The following TTC34 variants were observed in gnomAD, a reference collection of about 807,000 sequenced individuals.
TTC34 encodes tetratricopeptide repeat domain 34, also known as tetratricopeptide repeat protein 34.
A neutral mutation model predicts 40.7 loss-of-function variants in TTC34; 44 were observed. The ratio of observed to expected loss-of-function variants is 1.08; its 90% CI spans 0.85 to 1.39. TTC34 has a LOEUF of 1.39. Ranked by LOEUF, TTC34 falls within the 40% of genes most tolerant of loss-of-function variation. The pLI, the probability that TTC34 is intolerant of heterozygous loss-of-function variation, is 0.00. For missense variants in TTC34, 884 were observed against 838.0 expected, an observed-to-expected ratio of 1.05 and a Z score of -0.68; for synonymous variants, 422 against 398.6, an observed-to-expected ratio of 1.06 and a Z score of -0.70.
chr1:2,794,872 A>G (rs972864906), intron 2 of TTC34, among the ~76,000 whole-genome samples: 1 of 152,228 alleles, frequency 6.6e-6, no homozygotes, highest in Non-Finnish European at 1.5e-5. Flanking sequence ...TCCATTAATT[A>G]TTAATGTAGT....
intron 4 of TTC34, among the ~76,000 whole-genome samples, chr1:2,786,977 T>C (rs1643598969): frequency 6.6e-6 from 1 of 151,644 alleles, no homozygotes; most frequent in Non-Finnish European, 1.5e-5. Context: ...CCCACCAGAG[T>C]GTAACCTTTA....
chr1:2,777,797 C>G (rs546092082), intron 6 of TTC34, among the ~76,000 whole-genome samples: 3 of 152,130 alleles, frequency 2.0e-5, no homozygotes, highest in Non-Finnish European at 4.4e-5. Context: ...AGCCCTCCAA[C>G]GTCCTGGCTG....
intron 6 of TTC34, among the ~76,000 whole-genome samples, chr1:2,749,600 A>AC (rs1641252501): frequency 9.3e-6 from 1 of 107,604 alleles, no homozygotes; most frequent in Non-Finnish European, 1.8e-5. Flanking sequence ...AGCAGCACCC[A>AC]CACCCCCAGG....
intron 6 of TTC34, among the ~76,000 whole-genome samples, chr1:2,697,274 G>GCA (rs1557628643): frequency 5.6e-5 from 3 of 53,938 alleles, no homozygotes; most frequent in African/African-American, 2.0e-4. Context: ...CCCTGGAACA[G>GCA]CACACACACC....
intron 6 of TTC34, among the ~76,000 whole-genome samples, chr1:2,698,486 C>A (rs1431232334): frequency 3.2e-5 from 4 of 125,724 alleles, no homozygotes; most frequent in African/African-American, 1.3e-4. Context: ...AGCACCCACA[C>A]TCCCAGGCGA....
At chr1:2,768,616 C>G (rs1641880103) in intron 6 of TTC34, among the ~76,000 whole-genome samples, 1 of 151,980 alleles carries the variant, frequency 6.6e-6, no homozygotes, top group Non-Finnish European at 1.5e-5. Context: ...GAATGGTACC[C>G]CACATGCAGG....
chr1:2,786,983 C>CT (rs902613084), intron 4 of TTC34, among the ~76,000 whole-genome samples: 10 of 152,168 alleles, frequency 6.6e-5, no homozygotes, highest in Non-Finnish European at 1.0e-4. Flanking sequence ...AGAGTGTAAC[C>CT]TTTAGACCCC....
At chr1:2,685,223 G>A (rs529919806) in intron 6 of TTC34, among the ~76,000 whole-genome samples, 1 of 124,540 alleles carries the variant, frequency 8.0e-6, no homozygotes, top group African/African-American at 3.2e-5. Flanking sequence ...CTGACATCGT[G>A]GAGCAGCACC....
chr1:2,699,991 C>T (rs530827845), intron 6 of TTC34, among the ~76,000 whole-genome samples: 1 of 110,306 alleles, frequency 9.1e-6, no homozygotes, highest in Admixed American at 9.9e-5. Flanking sequence ...GAGCATCTGA[C>T]AGCCTGGAGC....
chr1:2,787,669 T>G, exon 4 of TTC34: 2 of 1,549,008 alleles, frequency 1.3e-6, no homozygotes, highest in Non-Finnish European at 1.7e-6. Flanking sequence ...TCCAGCTCCA[T>G]CAGCAGTGTG....
chr1:2,751,603 C>A (rs1436055990), intron 6 of TTC34, among the ~76,000 whole-genome samples: 1 of 43,232 alleles, frequency 2.3e-5, no homozygotes, highest in African/African-American at 8.3e-5. Flanking sequence ...CAACAGCACC[C>A]ACACCCCCAG....
At chr1:2,760,999 C>G (rs1444470516) in intron 6 of TTC34, among the ~76,000 whole-genome samples, 1 of 73,290 alleles carries the variant, frequency 1.4e-5, no homozygotes, top group Non-Finnish European at 2.3e-5. Flanking sequence ...GAGCAGCGCT[C>G]ACACCCAGAG....
At chr1:2,756,917 G>A (rs1641525843) in intron 6 of TTC34, among the ~76,000 whole-genome samples, 5,578 of 116,400 alleles carry the variant, frequency 0.048, no homozygotes, top group African/African-American at 0.097. Context: ...CCACAGTTGA[G>A]CATCTGACAG....
chr1:2,798,463 C>G (rs1459237299), intron 2 of TTC34, among the ~76,000 whole-genome samples: 1 of 108,478 alleles, frequency 9.2e-6, no homozygotes, highest in Non-Finnish European at 1.9e-5. Context: ...GCCCCCCAGC[C>G]TCCCAGCCTC....
exon 9 of TTC34, chr1:2,639,563 T>C (rs1400807088): frequency 2.0e-5 from 3 of 152,482 alleles, no homozygotes; most frequent in African/African-American, 7.2e-5. Context: ...GTCCCTGAAC[T>C]TAGCTCTTGG....
intron 6 of TTC34, among the ~76,000 whole-genome samples, chr1:2,687,501 T>A (rs371861756): frequency 4.9e-5 from 7 of 141,678 alleles, no homozygotes; most frequent in Middle Eastern, 3.9e-3. Flanking sequence ...GGCGAGCATC[T>A]GACATCCTTG....
chr1:2,781,733 T>C (rs1194828392), intron 6 of TTC34, among the ~76,000 whole-genome samples: 1 of 152,214 alleles, frequency 6.6e-6, no homozygotes. Context: ...CATAAAAGGG[T>C]GCTGAATTTT....
At position 2,789,985 on chromosome 1, in the gene TTC34, CA is replaced by C. The variant is rs1643644167; in HGVS notation, c.1145del (p.Leu382ArgfsTer60). On this transcript the variant is annotated frameshift_variant, in exon 3 of 9. Coordinates refer to ENST00000401095, the Ensembl canonical transcript of TTC34. LOFTEE classifies it high-confidence loss of function. ...GGGCGCCCGCCGCGTCCCCTGCCAG[CA>C]GCAGGCACTCGGCGAGGCGGGCTCC... 2.5e-6 allele frequency: 1 copy of C among 392,820 alleles called. No individual in the cohort carries two copies. The highest frequency in any genetic ancestry group is 4.5e-6 in the Non-Finnish European group (1 of 222,372). The allele number at this position is 392,820 out of a possible 1,614,324, so 24.3% of individuals were successfully genotyped here.
chr1:2,752,879 G>A (rs1291065131), intron 6 of TTC34, among the ~76,000 whole-genome samples: 1 of 148,074 alleles, frequency 6.8e-6, no homozygotes, highest in Non-Finnish European at 1.5e-5. Flanking sequence ...CTGATGGCCT[G>A]GAACGGCACC....
Sources: allele counts gnomAD v4.1 joint callset (sites outside exome capture counted in the v4.1 genomes callset), GRCh38; gene constraint gnomAD v4.1.1; transcripts MANE v1.5; gene names NCBI Gene and HGNC (gene_info 2026-07-23, HGNC 2026-07-21).